PROCR: variants seen among roughly 807,000 people sequenced by gnomAD.
PROCR encodes protein C receptor, also known as endothelial protein C receptor.
In PROCR, 22 loss-of-function variants were observed where a neutral mutation model predicts 24.2. The ratio of observed to expected loss-of-function variants is 0.91; its 90% CI spans 0.65 to 1.30. PROCR has a LOEUF of 1.30. PROCR is among the 50% of genes most tolerant of loss of function. PROCR has a pLI of 0.00. For missense variants in PROCR, 288 were observed against 307.7 expected (o/e 0.94, Z 0.48); for synonymous variants, 137 against 139.2 (o/e 0.98, Z 0.11).
intron 1 of PROCR, among the ~76,000 whole-genome samples, chr20:35,208,594 G>A (rs1352304000): frequency 6.6e-6 from 1 of 152,048 alleles, no homozygotes; most frequent in Non-Finnish European, 1.5e-5. Context: ...CATAGCAATA[G>A]GTTTTAAATC....
intron 1 of PROCR, among the ~76,000 whole-genome samples, chr20:35,208,559 G>A (rs1156884107): frequency 2.6e-5 from 4 of 152,008 alleles, no homozygotes; most frequent in African/African-American, 9.7e-5. Flanking sequence ...CAGTATCCGC[G>A]TACTCTGCTG....
At chr20:35,199,342 C>T (rs945490308) in intron 1 of PROCR, among the ~76,000 whole-genome samples, 5 of 152,172 alleles carry the variant, frequency 3.3e-5, no homozygotes, top group Non-Finnish European at 7.4e-5. Context: ...CACGTGGTCA[C>T]CCAAGAGCCC....
At chr20:35,215,479 T>G (rs1471277864) in intron 1 of PROCR, among the ~76,000 whole-genome samples, 1 of 151,954 alleles carries the variant, frequency 6.6e-6, no homozygotes, top group Non-Finnish European at 1.5e-5. Flanking sequence ...TCACGCCTTT[T>G]ATGTGCACAA....
In PROCR at chr20:35,176,469, C is replaced by T. The variant is rs752486235; in HGVS notation, c.601+23C>T. 1.7e-5 allele frequency: 28 copies of T among 1,611,318 alleles called. No individual in the cohort carries two copies. The East Asian group carries it at 5.3e-4, about 31-fold the overall frequency. ...AAGGTATGATGGGACGGGGCCCAGG[C>T]CTGCAAGCTGGGGAGAGGGCGGGTT... On this transcript the variant is annotated intron_variant, in intron 3 of 3. Coordinates refer to ENST00000216968, the MANE Select transcript of PROCR (RefSeq NM_006404.5).
downstream of PROCR, among the ~76,000 whole-genome samples, chr20:35,177,902 TTCTG>T (rs1418193134): frequency 6.6e-6 from 1 of 152,138 alleles, no homozygotes; most frequent in Non-Finnish European, 1.5e-5. Flanking sequence ...TTTAAAACTG[TTCTG>T]TCTACTTTTT....
intron 1 of PROCR, among the ~76,000 whole-genome samples, chr20:35,200,547 A>T (rs6060304): frequency 0.79 from 120,028 of 152,186 alleles, 47,728 homozygotes; most frequent in African/African-American, 0.88. Context: ...ATTTTAGACA[A>T]AATGTCATTG....
intron 1 of PROCR, among the ~76,000 whole-genome samples, chr20:35,209,989 G>T (rs569066622): frequency 6.6e-6 from 1 of 152,306 alleles, no homozygotes; most frequent in Admixed American, 6.5e-5. Flanking sequence ...TGTTTTGGGA[G>T]GCTGAGTCTG....
rs1172631906 is a variant in PROCR, at chr20:35,177,212, C to G, written c.*399C>G. The G allele has an allele frequency of 9.2e-7, 1 of 1,086,100 alleles. No homozygotes were observed. Among genetic ancestry groups the G allele is most frequent in the African/African-American group, 1.6e-5 (1 of 61,004 alleles). The allele number at this position is 1,086,100 out of a possible 1,614,324, so 67.3% of individuals were successfully genotyped here. On this transcript the variant is annotated 3_prime_UTR_variant, in exon 4 of 4. Coordinates refer to ENST00000216968, the MANE Select transcript of PROCR (RefSeq NM_006404.5). ...AATCAAAATACAACATTCAATACTTCCAGGTGTGTCAGACTTGGGATGGGA... is the reference window on the plus strand; with the variant it reads ...AATCAAAATACAACATTCAATACTTGCAGGTGTGTCAGACTTGGGATGGGA...
intron 1 of PROCR, among the ~76,000 whole-genome samples, chr20:35,208,400 G>A: frequency 6.6e-6 from 1 of 152,160 alleles, no homozygotes; most frequent in East Asian, 1.9e-4. Context: ...TCTCCTGTTT[G>A]TCCTGCAGTG....
At chr20:35,202,962 C>T (rs1371963839) in intron 1 of PROCR, 1 of 152,186 alleles carries the variant, frequency 6.6e-6, no homozygotes, top group East Asian at 1.9e-4. Context: ...ATAAAGTAAA[C>T]TTTAACAATT....
intron 1 of PROCR, among the ~76,000 whole-genome samples, chr20:35,214,438 G>A (rs1008369305): frequency 3.3e-5 from 5 of 152,244 alleles, no homozygotes; most frequent in Admixed American, 1.3e-4. Flanking sequence ...TGTAATCCCA[G>A]CACTTTGGGA....
intron 1 of PROCR, among the ~76,000 whole-genome samples, chr20:35,211,770 T>G (rs2060363292): frequency 1.3e-5 from 2 of 152,098 alleles, no homozygotes; most frequent in African/African-American, 4.8e-5. Context: ...TATCAGCACT[T>G]TGGAAGGCTG....
chr20:35,214,901 C>A (rs982360427), intron 1 of PROCR, among the ~76,000 whole-genome samples: 52 of 111,250 alleles, frequency 4.7e-4, no homozygotes, highest in African/African-American at 2.0e-3. Context: ...CTCCCATTTT[C>A]TTTTTCTTTT....
intron 1 of PROCR, among the ~76,000 whole-genome samples, chr20:35,192,834 C>A (rs1315623004): frequency 6.6e-6 from 1 of 152,062 alleles, no homozygotes; most frequent in Admixed American, 6.6e-5. Flanking sequence ...CCTGCTCTGT[C>A]AATAGCAGTA....
chr20:35,185,531 TATATGATGGAGTACTACTCAGCC>T (rs2146157123), intron 1 of PROCR, among the ~76,000 whole-genome samples: 1 of 152,344 alleles, frequency 6.6e-6, no homozygotes, highest in East Asian at 1.9e-4. Flanking sequence ...CTGGTATATA[TATATGATGGAGTACTACTCAGCC>T]ATAAAAGGAA....
rs1234834964 is a variant in PROCR at position 35,174,844 on chromosome 20, G to C, written c.213G>C (p.Gln71His). 24 of 1,613,940 alleles carry C rather than the reference G, an allele frequency of 1.5e-5. No individual in the cohort carries two copies. Among genetic ancestry groups the C allele is most frequent in the Non-Finnish European group, 2.0e-5 (24 of 1,179,986 alleles). The change falls in exon 2 of 4, where the codon CAG becomes CAC. Residue 71 changes from glutamine (Q) to histidine (H), a missense_variant. Gln to His is a conservative substitution (Grantham distance 24). Coordinates refer to ENST00000216968, the MANE Select transcript of PROCR (RefSeq NM_006404.5). The part of the protein sequence containing the change: ...PDTNTTIIQL[Q>H]PLQEPESWAR... ...CCAACACCACGATCATTCAGCTGCA[G>C]CCCTTGCAGGAGCCCGAGAGCTGGG...
upstream of PROCR, among the ~76,000 whole-genome samples, chr20:35,171,871 G>C (rs2146138642): frequency 6.6e-6 from 1 of 152,202 alleles, no homozygotes; most frequent in Middle Eastern, 3.4e-3. Context: ...CTAGGAAGCA[G>C]CCCAAGGAGA....
Position 35,207,087 on chromosome 20 carries a change from C to A in PROCR, c.95-8806C>A, listed in dbSNP as rs538775292. On this transcript the variant is annotated intron_variant, in intron 1 of 1. Transcript: ENST00000634509. ...TATGCCAAGTGAAAGAAGCCAAATT[C>A]AAAATACAACATATTGTATGGTTCC... 2.5e-3 allele frequency among the ~76,000 whole-genome samples: 386 copies of A among 152,072 alleles called. 1 individual carries two copies. The highest frequency in any genetic ancestry group is 9.1e-3 in the African/African-American group (376 of 41,490).
Position 35,177,110 on chromosome 20 carries a change from C to CTATG in PROCR, c.*298_*301dup. The CTATG allele has an allele frequency of 8.3e-7, 1 of 1,211,638 alleles. No individual in the cohort carries two copies. The highest frequency in any genetic ancestry group is 1.0e-6 in the Non-Finnish European group (1 of 958,228). The allele number at this position is 1,211,638 out of a possible 1,614,324, so 75.1% of individuals were successfully genotyped here. ...AGATAATGGAGTTGGGGCAGGAAGC[C>CTATG]TATGGCCCATCCTCCAAAGACAGAC... On this transcript the variant is annotated 3_prime_UTR_variant, in exon 4 of 4. Transcript: ENST00000216968.
Sources: gnomAD v4.1 joint callset for allele counts (sites outside exome capture counted in the v4.1 genomes callset) on GRCh38, gnomAD v4.1.1 for gene constraint, MANE v1.5 for transcripts, NCBI Gene and HGNC (gene_info 2026-07-23, HGNC 2026-07-21) for gene names.